CSMD3: variants seen among roughly 807,000 people sequenced by gnomAD.
The protein encoded by CSMD3 is CUB and sushi domain-containing protein 3.
A neutral mutation model predicts 435.2 loss-of-function variants in CSMD3; 177 were observed. The ratio of observed to expected loss-of-function variants is 0.41; its 90% CI spans 0.36 to 0.46. The LOEUF is 0.46. Ranked by LOEUF, CSMD3 falls within the 20% of genes least tolerant of loss-of-function variation. The pLI, the probability that CSMD3 is intolerant of heterozygous loss-of-function variation, is 0.34. For synonymous variants in CSMD3, 1,656 were observed against 1,520.5 expected, an observed-to-expected ratio of 1.09 and a Z score of -2.07; for missense variants, 4,265 against 4,504.6, an observed-to-expected ratio of 0.95 and a Z score of 1.52.
chr8:113,216,331 C>G (rs2092905213), intron 3 of CSMD3, among the ~76,000 whole-genome samples: 1 of 151,644 alleles, frequency 6.6e-6, no homozygotes, highest in Non-Finnish European at 1.5e-5. Context: ...AAGATAAATC[C>G]TTATCTAATT....
intron 4 of CSMD3, among the ~76,000 whole-genome samples, chr8:113,113,288 G>A (rs1017709708): frequency 5.3e-5 from 8 of 152,150 alleles, no homozygotes; most frequent in Admixed American, 1.3e-4. Flanking sequence ...ATTAGGAGCA[G>A]TAATTTAAAC....
At chr8:112,297,132 AT>A (rs1434613162) in intron 53 of CSMD3, among the ~76,000 whole-genome samples, 2 of 151,232 alleles carry the variant, frequency 1.3e-5, no homozygotes, top group African/African-American at 4.8e-5. Flanking sequence ...TGGCTGGGAA[AT>A]TCAAGCTTTT....
At position 112,587,028 on chromosome 8, in the gene CSMD3, A is replaced by C. The variant is rs1279971483; in HGVS notation, c.3885+38T>G. The stretch of plus-strand genomic sequence containing the variant: ...TCTATTGATGTATATTTAATGACTA[A>C]AAATGAACAATATACAAGTATGTCT... On this transcript the variant is annotated intron_variant, in intron 23 of 70. Coordinates refer to ENST00000297405, the MANE Select transcript of CSMD3 (RefSeq NM_198123.2). 5 of 1,487,152 alleles carry C rather than the reference A, an allele frequency of 3.4e-6. No homozygotes were observed. The African/African-American group carries it at 6.9e-5, about 21-fold the overall frequency. 92.1% of individuals were successfully genotyped at this position (1,487,152 alleles called of 1,614,324 possible).
intron 4 of CSMD3, among the ~76,000 whole-genome samples, chr8:113,168,026 A>G (rs1430629626): frequency 6.6e-6 from 1 of 152,144 alleles, no homozygotes; most frequent in Non-Finnish European, 1.5e-5. Context: ...CAATCCTCGA[A>G]AAGAACTTTT....
chr8:112,493,177 TAATA>T lies in CSMD3; in HGVS notation c.5084-498_5084-495del, dbSNP rs577273890. Among the ~76,000 whole-genome samples, 18 of 152,298 alleles carry T rather than the reference TAATA, an allele frequency of 1.2e-4. 1 individual carries two copies. In the South Asian group the frequency reaches 3.7e-3, roughly 32 times the overall value. ...TGCTAATGCATATTTATTAGTAAGA[TAATA>T]AATAAATTCTAAAGATCTTCATAGA... On this transcript the variant is annotated intron_variant, in intron 30 of 70. Transcript: ENST00000297405.
intron 9 of CSMD3, among the ~76,000 whole-genome samples, chr8:112,935,842 G>A (rs886152567): frequency 9.2e-5 from 14 of 152,014 alleles, no homozygotes; most frequent in African/African-American, 2.9e-4. Context: ...CTGTTTTGTG[G>A]TGAATGTATT....
intron 45 of CSMD3, among the ~76,000 whole-genome samples, chr8:112,331,360 T>C (rs907621353): frequency 5.3e-5 from 8 of 152,022 alleles, no homozygotes; most frequent in Admixed American, 5.2e-4. Flanking sequence ...TTTCCTCAAA[T>C]GAGAAAAAAA....
chr8:113,332,365 G>A (rs1257124697), intron 1 of CSMD3, among the ~76,000 whole-genome samples: 2 of 146,620 alleles, frequency 1.4e-5, no homozygotes, highest in Non-Finnish European at 3.0e-5. Flanking sequence ...ATAAAATGAG[G>A]TATCCCTGTA....
chr8:112,936,743 C>T (rs1425996191), intron 9 of CSMD3, among the ~76,000 whole-genome samples: 2 of 152,112 alleles, frequency 1.3e-5, no homozygotes, highest in African/African-American at 4.8e-5. Flanking sequence ...TCTAGAAATA[C>T]TTTAATTCAT....
chr8:112,856,081 G>C (rs1193720552), intron 11 of CSMD3, among the ~76,000 whole-genome samples: 5 of 151,820 alleles, frequency 3.3e-5, no homozygotes, highest in Non-Finnish European at 5.9e-5. Flanking sequence ...AATGCAAGAA[G>C]AACAATTAAT....
chr8:112,358,047 G>A (rs916730804), intron 38 of CSMD3, among the ~76,000 whole-genome samples: 9 of 152,140 alleles, frequency 5.9e-5, no homozygotes, highest in East Asian at 1.9e-4. Flanking sequence ...GCAGAGCCAC[G>A]AGGGTGGAGC....
At chr8:113,020,163 C>G (rs552693287) in intron 5 of CSMD3, among the ~76,000 whole-genome samples, 306 of 110,144 alleles carry the variant, frequency 2.8e-3, no homozygotes, top group African/African-American at 0.011. Context: ...GAGCGAGACT[C>G]CGTCTCAAAA....
At chr8:112,695,449 T>C (rs1468513710) in intron 13 of CSMD3, among the ~76,000 whole-genome samples, 1 of 152,166 alleles carries the variant, frequency 6.6e-6, no homozygotes, top group Non-Finnish European at 1.5e-5. Context: ...ATAAATGCAA[T>C]CCAGCATATA....
intron 10 of CSMD3, among the ~76,000 whole-genome samples, chr8:112,869,636 T>C (rs1400771965): frequency 6.6e-6 from 1 of 152,172 alleles, no homozygotes; most frequent in Non-Finnish European, 1.5e-5. Flanking sequence ...CCAACCCAAA[T>C]GCCCATCAAT....
intron 6 of CSMD3, among the ~76,000 whole-genome samples, chr8:113,016,016 C>A (rs1307234288): frequency 1.3e-5 from 2 of 151,196 alleles, no homozygotes; most frequent in African/African-American, 2.4e-5. Context: ...AAAACAAAGA[C>A]AAATATAATG....
chr8:113,265,700 A>T (rs775762913), intron 3 of CSMD3, among the ~76,000 whole-genome samples: 4 of 151,624 alleles, frequency 2.6e-5, no homozygotes, highest in Non-Finnish European at 5.9e-5. Context: ...TAAATAATAA[A>T]CTGATTTGTG....
At chr8:113,421,631 G>A (rs1319172802) in intron 1 of CSMD3, among the ~76,000 whole-genome samples, 3 of 152,000 alleles carry the variant, frequency 2.0e-5, no homozygotes, top group Non-Finnish European at 4.4e-5. Context: ...AAATAGGTAG[G>A]CCTCAGAAAT....
At chr8:112,422,454 T>C (rs1812622787) in intron 32 of CSMD3, among the ~76,000 whole-genome samples, 1 of 152,178 alleles carries the variant, frequency 6.6e-6, no homozygotes, top group East Asian at 1.9e-4. Context: ...TGAGTAACTT[T>C]TATTTTCACA....
intron 1 of CSMD3, among the ~76,000 whole-genome samples, chr8:113,416,759 C>A (rs907815961): frequency 2.6e-5 from 4 of 152,002 alleles, no homozygotes; most frequent in Non-Finnish European, 5.9e-5. Flanking sequence ...TGGTTGTGGT[C>A]CTATTATTTT....
Sources: allele counts gnomAD v4.1 joint callset (sites outside exome capture counted in the v4.1 genomes callset), GRCh38; gene constraint gnomAD v4.1.1; transcripts MANE v1.5; gene names NCBI Gene and HGNC (gene_info 2026-07-23, HGNC 2026-07-21).